The following DPP6 variants were observed in gnomAD, a reference collection of about 807,000 sequenced individuals.
The protein encoded by DPP6 is A-type potassium channel modulatory protein DPP6.
A neutral mutation model predicts 122.6 loss-of-function variants in DPP6; 69 were observed. That is an observed-to-expected ratio of 0.56 (90% CI 0.46 to 0.69). The LOEUF is 0.69. DPP6 is among the 30% of genes least tolerant of loss of function. The pLI is 0.00. For missense variants in DPP6, 928 were observed against 1,116.9 expected (o/e 0.83, Z 2.41); for synonymous variants, 418 against 433.1 (o/e 0.97, Z 0.43).
intron 1 of DPP6, among the ~76,000 whole-genome samples, chr7:154,212,731 A>G (rs1169664957): frequency 2.0e-5 from 3 of 152,234 alleles, no homozygotes; most frequent in Non-Finnish European, 4.4e-5. Flanking sequence ...CATCTAGGAT[A>G]AAATCCTTGA....
At chr7:153,926,661 A>G (rs2129011202) in intron 1 of DPP6, among the ~76,000 whole-genome samples, 1 of 152,320 alleles carries the variant, frequency 6.6e-6, no homozygotes, top group South Asian at 2.1e-4. Flanking sequence ...CAAAGAACCC[A>G]AGAATGTGTC....
intron 1 of DPP6, among the ~76,000 whole-genome samples, chr7:154,151,067 T>C (rs1280656697): frequency 3.3e-5 from 5 of 151,892 alleles, no homozygotes; most frequent in African/African-American, 4.8e-5. Flanking sequence ...CTGACTACCA[T>C]TGTCCGTGCA....
At chr7:153,895,728 G>GCACACACACA (rs10599371) in intron 1 of DPP6, among the ~76,000 whole-genome samples, 9 of 149,832 alleles carry the variant, frequency 6.0e-5, no homozygotes, top group African/African-American at 2.0e-4. Flanking sequence ...GTGCATGCGT[G>GCACACACACA]CACACACACA....
intron 1 of DPP6, among the ~76,000 whole-genome samples, chr7:154,131,503 C>A (rs1428253702): frequency 6.6e-6 from 1 of 152,240 alleles, no homozygotes; most frequent in African/African-American, 2.4e-5. Context: ...TTGGGAAGGC[C>A]CACGTGGAAC....
At chr7:154,698,213 A>G (rs1840324621) in intron 7 of DPP6, among the ~76,000 whole-genome samples, 1 of 152,204 alleles carries the variant, frequency 6.6e-6, no homozygotes, top group Non-Finnish European at 1.5e-5. Flanking sequence ...TATTGTTAAC[A>G]TAATTTTCAT....
chr7:154,033,338 C>T (rs1335824944), intron 1 of DPP6, among the ~76,000 whole-genome samples: 2 of 152,230 alleles, frequency 1.3e-5, no homozygotes, highest in African/African-American at 2.4e-5. Flanking sequence ...TTCTTTCTCT[C>T]TCTTTTCCTT....
At chr7:154,129,773 AC>A (rs1808222001) in intron 1 of DPP6, among the ~76,000 whole-genome samples, 1 of 151,910 alleles carries the variant, frequency 6.6e-6, no homozygotes, top group African/African-American at 2.4e-5. Context: ...GGTGGTGGGC[AC>A]CTGTAGTCCC....
intron 1 of DPP6, among the ~76,000 whole-genome samples, chr7:153,911,651 T>C (rs1350372169): frequency 3.3e-5 from 5 of 152,242 alleles, no homozygotes; most frequent in Non-Finnish European, 2.9e-5. Context: ...ACTGTGTCAG[T>C]GTGGCTCACA....
chr7:154,043,565 C>CTCCT (rs1232249111), intron 1 of DPP6, among the ~76,000 whole-genome samples: 1 of 151,442 alleles, frequency 6.6e-6, no homozygotes, highest in African/African-American at 2.4e-5. Flanking sequence ...GGTATTCCAT[C>CTCCT]TCCTGGTATA....
At chr7:154,176,796 A>G (rs1352227051) in intron 1 of DPP6, among the ~76,000 whole-genome samples, 2 of 151,902 alleles carry the variant, frequency 1.3e-5, no homozygotes, top group African/African-American at 4.8e-5. Context: ...ACTTCCTTCC[A>G]TTCGGGGACC....
intron 1 of DPP6, among the ~76,000 whole-genome samples, chr7:154,273,807 T>C (rs1803953771): frequency 6.6e-6 from 1 of 152,230 alleles, no homozygotes; most frequent in Non-Finnish European, 1.5e-5. Context: ...AAGAAACAGT[T>C]ACAGCAGCAC....
At chr7:154,545,436 C>T (rs1351931706) in intron 4 of DPP6, among the ~76,000 whole-genome samples, 1 of 151,742 alleles carries the variant, frequency 6.6e-6, no homozygotes, top group Non-Finnish European at 1.5e-5. Context: ...TCCCTCCCTC[C>T]TTTTCTTCAT....
chr7:154,456,207 C>T (rs541781828), intron 2 of DPP6, among the ~76,000 whole-genome samples: 2 of 152,306 alleles, frequency 1.3e-5, no homozygotes, highest in South Asian at 2.1e-4. Flanking sequence ...TCCAAATTCT[C>T]TGAACTCTTC....
intron 5 of DPP6, among the ~76,000 whole-genome samples, chr7:154,620,350 C>A (rs143639442): frequency 1.3e-5 from 2 of 152,174 alleles, no homozygotes; most frequent in African/African-American, 4.8e-5. Context: ...ATACGGCTTC[C>A]GAATGCCACA....
intron 1 of DPP6, among the ~76,000 whole-genome samples, chr7:153,966,710 A>G (rs1330694768): frequency 1.3e-5 from 2 of 151,978 alleles, no homozygotes; most frequent in African/African-American, 4.8e-5. Flanking sequence ...AGACTTGTAA[A>G]AACAAAATAC....
chr7:154,551,855 A>C (rs768408404), intron 4 of DPP6, among the ~76,000 whole-genome samples: 3 of 152,120 alleles, frequency 2.0e-5, no homozygotes, highest in Non-Finnish European at 2.9e-5. Context: ...AAGTCTCTGA[A>C]GTCTTTTTCA....
chr7:154,127,616 C>CACACACACAG (rs1807994074), intron 1 of DPP6, among the ~76,000 whole-genome samples: 2 of 113,108 alleles, frequency 1.8e-5, no homozygotes, highest in South Asian at 5.9e-4. Flanking sequence ...CACACACACA[C>CACACACACAG]ACACACACAC....
At chr7:154,305,023 AGCCCC>A (rs1479868082) in intron 1 of DPP6, 3 of 4,584 alleles carry the variant, frequency 6.5e-4, no homozygotes, top group Admixed American at 3.9e-3. Flanking sequence ...CCCCCTCCCC[AGCCCC>A]AGCCCCAGCC....
In DPP6 at chr7:154,769,706, T is replaced by C. The variant is rs943184267; in HGVS notation, c.1038+135T>C. 4 of 1,225,614 alleles carry C rather than the reference T, an allele frequency of 3.3e-6. No individual in the cohort carries two copies. The African/African-American group carries it at 6.1e-5, about 19-fold the overall frequency. The allele number at this position is 1,225,614 out of a possible 1,614,324, so 75.9% of individuals were successfully genotyped here. On this transcript the variant is annotated intron_variant, in intron 9 of 25. Transcript: ENST00000377770. The stretch of plus-strand genomic sequence containing the variant: ...GTTAACACAAGAAAGACTAATCATG[T>C]CTCATTACATTGCATTACATTCCCG...
Sources: gnomAD v4.1 joint callset for allele counts (sites outside exome capture counted in the v4.1 genomes callset) on GRCh38, gnomAD v4.1.1 for gene constraint, MANE v1.5 for transcripts, NCBI Gene and HGNC (gene_info 2026-07-23, HGNC 2026-07-21) for gene names.